Variants in MYO1A observed in about 807,000 individuals in gnomAD.
MYO1A encodes the protein unconventional myosin-Ia.
MYO1A carries 127 observed loss-of-function variants against 138.5 expected under a neutral mutation model. That is an observed-to-expected ratio of 0.92 (90% CI 0.79 to 1.06). The LOEUF (loss-of-function observed/expected upper bound fraction) is 1.06. Ranked by LOEUF, MYO1A falls within the 50% of genes least tolerant of loss-of-function variation. The pLI is 0.00. For synonymous variants in MYO1A, 477 were observed against 497.5 expected, an observed-to-expected ratio of 0.96 and a Z score of 0.55; for missense variants, 1,211 against 1,288.8, an observed-to-expected ratio of 0.94 and a Z score of 0.92.
intron 22 of MYO1A, among the ~76,000 whole-genome samples, chr12:57,034,814 C>T (rs1225161515): frequency 6.6e-6 from 1 of 151,950 alleles, no homozygotes; most frequent in Non-Finnish European, 1.5e-5. Context: ...ACTAAAAATA[C>T]AAAAATTAGC....
In MYO1A at chr12:57,038,958, C is replaced by A. The variant is rs755572608; in HGVS notation, c.1384G>T (p.Val462Leu). 3.1e-6 allele frequency: 5 copies of A among 1,614,046 alleles called. No homozygotes were observed. The highest frequency in any genetic ancestry group is 4.2e-6 in the Non-Finnish European group (5 of 1,180,040). The change falls in exon 16 of 28, where the codon GTG (valine) becomes TTG (leucine). Residue 462 changes from valine to leucine, a missense_variant. Transcript: ENST00000300119. ...GCTAGGAAAGTGGAGTCACTGACCACCCCAGGCCGCAGGCACTCCTCATCC... is the reference window on the plus strand; with the variant it reads ...GCTAGGAAAGTGGAGTCACTGACCAACCCAGGCCGCAGGCACTCCTCATCC... Reference protein sequence around the residue: ...MLDEECLRPGVVSDSTFLAKL... With the variant: ...MLDEECLRPGLVSDSTFLAKL...
At position 57,048,085 on chromosome 12, in the gene MYO1A, A is replaced by C; in HGVS notation, c.134T>G (p.Val45Gly). 6.2e-7 allele frequency: 1 copy of C among 1,614,104 alleles called. No individual in the cohort carries two copies. Among genetic ancestry groups the C allele is most frequent in the Non-Finnish European group, 8.5e-7 (1 of 1,179,948 alleles). The stretch of plus-strand genomic sequence containing the variant: ...CTGTTGATAGGGATTCACTGAGATC[A>C]CCACATTCCCAATGTAGGTCTGGAG... Reference protein sequence around the residue: ...KEIYTYIGNVVISVNPYQQLP... With the variant: ...KEIYTYIGNVGISVNPYQQLP... Residue 45 changes from valine (V) to glycine (G), a missense_variant, in exon 3 of 28, where the codon GTG becomes GGG. Transcript: ENST00000300119.
chr12:57,033,675 T>G (rs1052951472), intron 22 of MYO1A, among the ~76,000 whole-genome samples: 4 of 152,112 alleles, frequency 2.6e-5, no homozygotes, highest in African/African-American at 9.7e-5. Context: ...TTACATCCCA[T>G]AGAGCACCTA....
Position 57,048,069 on chromosome 12 carries a change from G to C in MYO1A, c.150C>G (p.Pro50=). 1 of 1,614,156 alleles carries C rather than the reference G, an allele frequency of 6.2e-7. No homozygotes were observed. Among genetic ancestry groups the C allele is most frequent in the East Asian group, 2.2e-5 (1 of 44,886 alleles). The stretch of plus-strand genomic sequence containing the variant: ...GCCCATAGATGGGAAGCTGTTGATA[G>C]GGATTCACTGAGATCACCACATTCC... ...YIGNVVISVN[P]YQQLPIYGPE... is the part of the protein sequence containing the mutation. The change falls in exon 3 of 28, where the codon CCC becomes CCG. Residue 50 remains proline, a synonymous_variant. Coordinates refer to ENST00000300119, the MANE Select transcript of MYO1A (RefSeq NM_005379.4).
In MYO1A at chr12:57,029,777, G is replaced by T. The variant is rs773374837; in HGVS notation, c.2687C>A (p.Ala896Glu). ...KGGEEGPVLM[A>E]EAVKKVNRGN... ...ACGATTGACCTTCTTCACGGCCTCT[G>T]CCATCAGAACAGGCCCCTCCTCCCC... is the stretch of plus-strand genomic sequence containing the variant. The change falls in exon 25 of 28, where the codon GCA (alanine) becomes GAA (glutamate). Residue 896 changes from alanine to glutamate, a missense_variant. Physicochemically the swap from Ala to Glu is moderately radical, Grantham distance 107. Transcript: ENST00000300119. 126 of 1,614,068 alleles carry T rather than the reference G, an allele frequency of 7.8e-5. No homozygotes were observed. The highest frequency in any genetic ancestry group is 1.0e-4 in the Non-Finnish European group (123 of 1,180,044).
At chr12:57,047,902 C>CA in intron 3 of MYO1A, 87 bp downstream of exon 3, 1 of 1,567,912 alleles carries the variant, frequency 6.4e-7, no homozygotes, top group South Asian at 1.1e-5. Context: ...GGAGAAGCCC[C>CA]TTCAGGGGAA....
chr12:57,046,736 C>T (rs891772069), intron 7 of MYO1A, 86 bp from the exon 8 acceptor site: 190 of 1,477,292 alleles, frequency 1.3e-4, no homozygotes, highest in Middle Eastern at 1.7e-4. Context: ...CCCCCATCGC[C>T]GGCATTCCTA....
chr12:57,041,383 T>A (rs374270526), intron 13 of MYO1A, 49 bp downstream of exon 13: 3 of 1,593,696 alleles, frequency 1.9e-6, no homozygotes, highest in Non-Finnish European at 2.6e-6. Flanking sequence ...TGTGAGCCTG[T>A]CCACCTCTAA....
At chr12:57,046,684 GC>G (rs745931979) in intron 7 of MYO1A, 34 bp from the exon 8 acceptor site, 22 of 1,584,848 alleles carry the variant, frequency 1.4e-5, no homozygotes, top group Non-Finnish European at 1.9e-5. Flanking sequence ...TATCCTGAGG[GC>G]CTGGGAGATG....
intron 8 of MYO1A, among the ~76,000 whole-genome samples, chr12:57,044,539 C>A (rs1488860374): frequency 6.6e-6 from 1 of 152,146 alleles, no homozygotes; most frequent in Admixed American, 6.5e-5. Context: ...TGGGTGCATG[C>A]CACCACGCCT....
In MYO1A at chr12:57,030,280, C is replaced by CCTGCTT. The variant is rs2030212916; in HGVS notation, c.2515_2520dup (p.Lys839_Gln840dup). 1 of 1,614,182 alleles carries CCTGCTT rather than the reference C, an allele frequency of 6.2e-7. No homozygotes were observed. The highest frequency in any genetic ancestry group is 1.3e-5 in the African/African-American group (1 of 75,016). ...CAGAGCTTTTCCCTCAGGATCTCTA[C>CCTGCTT]CTGCTTCGGGGACAGCTGATCCCGG... On this transcript the variant is annotated inframe_insertion, in exon 24 of 28. Coordinates refer to ENST00000300119, the MANE Select transcript of MYO1A (RefSeq NM_005379.4).
chr12:57,037,121 A>G (rs780568571), intron 19 of MYO1A, 30 bp from the exon 20 acceptor site: 1 of 1,613,356 alleles, frequency 6.2e-7, no homozygotes, highest in South Asian at 1.1e-5. Context: ...GGTGACAGAG[A>G]GACTGGCTCA....
At chr12:57,042,075 T>A (rs1456192063) in intron 12 of MYO1A, among the ~76,000 whole-genome samples, 1 of 152,222 alleles carries the variant, frequency 6.6e-6, no homozygotes, top group African/African-American at 2.4e-5. Context: ...ATCACCACTA[T>A]CTAATTTCAG....
At chr12:57,039,343 T>G in intron 14 of MYO1A, 69 bp from the exon 15 acceptor site, 4 of 1,216,774 alleles carry the variant, frequency 3.3e-6, no homozygotes, top group Middle Eastern at 1.9e-4. Flanking sequence ...TCACCAGATC[T>G]AGCCTTTCAC....
chr12:57,044,365 A>G (rs1441199768), intron 8 of MYO1A, among the ~76,000 whole-genome samples, 156 bp from the exon 9 acceptor site: 2 of 152,020 alleles, frequency 1.3e-5, no homozygotes, highest in African/African-American at 4.8e-5. Flanking sequence ...TTGTTTTGGG[A>G]TCATTAATTC....
rs781503220 is a variant in MYO1A, at chr12:57,037,663, A to G, written c.1962-22T>C. 9 of 1,608,160 alleles carry G rather than the reference A, an allele frequency of 5.6e-6. No homozygotes were observed. In the South Asian group the frequency reaches 8.8e-5, roughly 16 times the overall value. On this transcript the variant is annotated intron_variant, in intron 18 of 27. Transcript: ENST00000300119. ...TTCCCTATGGAAGCAAATGACAGAAAGCTGCAGAGGGGTATCTCAGGAGAA... is the reference window on the plus strand; with the variant it reads ...TTCCCTATGGAAGCAAATGACAGAAGGCTGCAGAGGGGTATCTCAGGAGAA...
chr12:57,037,763 A>G lies in MYO1A; in HGVS notation c.1961+106T>C, dbSNP rs534470147. ...ATTCAATTCATTTCTCAAAGTATCCATTCACCCAGCTTCAGCAGATGTGCA... is the reference window on the plus strand; with the variant it reads ...ATTCAATTCATTTCTCAAAGTATCCGTTCACCCAGCTTCAGCAGATGTGCA... On this transcript the variant is annotated intron_variant, in intron 18 of 27. Coordinates refer to ENST00000300119, the MANE Select transcript of MYO1A (RefSeq NM_005379.4). 31 of 1,495,572 alleles carry G rather than the reference A, an allele frequency of 2.1e-5. No individual in the cohort carries two copies. The South Asian group carries it at 3.4e-4, about 16-fold the overall frequency. The allele number at this position is 1,495,572 out of a possible 1,614,324, so 92.6% of individuals were successfully genotyped here. A position where few individuals can be genotyped will look rare whatever the true frequency, so the allele number is the denominator to read the frequency against.
In MYO1A at chr12:57,046,699, T is replaced by C. The variant is rs760346608; in HGVS notation, c.542-49A>G. On this transcript the variant is annotated intron_variant, in intron 7 of 27. Transcript: ENST00000300119. The stretch of plus-strand genomic sequence containing the variant: ...TATCCTGAGGGCCTGGGAGATGCCG[T>C]AGCTTCTCCAGCCCTACTGGAGAAT... 4.6e-6 allele frequency: 7 copies of C among 1,537,990 alleles called. No individual in the cohort carries two copies. The African/African-American group carries it at 8.2e-5, about 18-fold the overall frequency.
Position 57,038,735 on chromosome 12 carries a change from C to T in MYO1A, c.1533+74G>A, listed in dbSNP as rs879002253. ...GTGAAGTATTCCAGACTCTCACCTT[C>T]CCCGGGTTCCTCCCCCATTGACTTC... is the stretch of plus-strand genomic sequence containing the variant. On this transcript the variant is annotated intron_variant, in intron 16 of 27. Transcript: ENST00000300119. 4 of 1,608,192 alleles carry T rather than the reference C, an allele frequency of 2.5e-6. No individual in the cohort carries two copies. In the East Asian group the frequency reaches 8.9e-5, roughly 36 times the overall value.
Sources: allele counts gnomAD v4.1 joint callset (sites outside exome capture counted in the v4.1 genomes callset), GRCh38; gene constraint gnomAD v4.1.1; transcripts MANE v1.5; gene names NCBI Gene and HGNC (gene_info 2026-07-23, HGNC 2026-07-21).